The following ZNF469 variants were observed in gnomAD, a reference collection of about 807,000 sequenced individuals.
ZNF469 encodes zinc finger protein 469.
ZNF469 carries 1 observed loss-of-function variant against 1.0 expected under a neutral mutation model. The observed-to-expected ratio is 1.00, with a 90% CI of 0.35 to 4.73. The LOEUF is 4.73. Ranked by LOEUF, ZNF469 falls within the 30% of genes most tolerant of loss-of-function variation. The probability of loss-of-function intolerance (pLI) is 0.16; values close to 1 mark genes in which losing one functional copy is unlikely to be tolerated. For missense variants in ZNF469, 6,100 were observed against 5,356.3 expected (o/e 1.14, Z -4.33); for synonymous variants, 2,703 against 2,363.4 (o/e 1.14, Z -4.17).
Position 88,437,752 on chromosome 16 carries a change from G to C in ZNF469, c.10282G>C (p.Ala3428Pro). 1 of 1,549,730 alleles carries C rather than the reference G, an allele frequency of 6.5e-7. No individual in the cohort carries two copies. The highest frequency in any genetic ancestry group is 8.7e-7 in the Non-Finnish European group (1 of 1,146,576). ...CTGCAGCTCCTGCAACTACACCTTC[G>C]CCAAGAAGGAGCAGTTCGACCGCCA... ...FACSSCNYTF[A>P]KKEQFDRHMN... The change falls in exon 3 of 3, where the codon GCC becomes CCC. Residue 3428 changes from alanine (A) to proline (P), a missense_variant. By Grantham distance (27) the Ala-to-Pro change is conservative. Transcript: ENST00000565624.
At chr16:88,360,284 T>C in the ZNF469 span, among the ~76,000 whole-genome samples, 1 of 152,218 alleles carries the variant, frequency 6.6e-6, no homozygotes, top group African/African-American at 2.4e-5. Flanking sequence ...CCTCCCATAG[T>C]GCTGGGATTA....
At chr16:88,114,791 G>A in the ZNF469 span, among the ~76,000 whole-genome samples, 1 of 152,298 alleles carries the variant, frequency 6.6e-6, no homozygotes, top group East Asian at 1.9e-4. Context: ...TGGGGAAGAG[G>A]TGCCTCCCCT....
At chr16:88,412,113 G>A (rs1905187864) in intron 1 of ZNF469, among the ~76,000 whole-genome samples, 1 of 147,186 alleles carries the variant, frequency 6.8e-6, no homozygotes, top group East Asian at 2.0e-4. Context: ...GGGAGGCAGG[G>A]GCCAGCATAG....
Position 88,435,337 on chromosome 16 carries a change from T to G in ZNF469, c.7867T>G (p.Ser2623Ala). Residue 2623 changes from serine (S) to alanine (A), a missense_variant, in exon 3 of 3, where the codon TCT becomes GCT. Coordinates refer to ENST00000565624, the MANE Select transcript of ZNF469 (RefSeq NM_001367624.2). ...RRWRREPTVD[S>A]PSHSEGKSNK... Reference sequence around the variant, plus strand: ...GTGGCGCCGAGAGCCCACCGTGGACTCTCCTAGCCACTCAGAGGGGAAGTC... The same window carrying G: ...GTGGCGCCGAGAGCCCACCGTGGACGCTCCTAGCCACTCAGAGGGGAAGTC... The G allele has an allele frequency of 6.5e-7, 1 of 1,550,148 alleles. No individual in the cohort carries two copies. The highest frequency in any genetic ancestry group is 8.7e-7 in the Non-Finnish European group (1 of 1,146,946).
At chr16:88,297,218 C>T in the ZNF469 span, among the ~76,000 whole-genome samples, 1 of 152,180 alleles carries the variant, frequency 6.6e-6, no homozygotes, top group African/African-American at 2.4e-5. Context: ...TGGGACGGGG[C>T]AGGCGTCTGA....
At chr16:88,353,800 G>A in the ZNF469 span, among the ~76,000 whole-genome samples, 3 of 152,268 alleles carry the variant, frequency 2.0e-5, no homozygotes, top group South Asian at 2.1e-4. Context: ...CTGGGGATGC[G>A]GCCACTCGCT....
chr16:88,145,506 C>A, the ZNF469 span, among the ~76,000 whole-genome samples: 1 of 152,256 alleles, frequency 6.6e-6, no homozygotes, highest in African/African-American at 2.4e-5. Context: ...GCCGAGCTGC[C>A]CTCTTGGGTT....
the ZNF469 span, among the ~76,000 whole-genome samples, chr16:88,189,141 A>G: frequency 1.3e-5 from 2 of 152,212 alleles, no homozygotes; most frequent in Admixed American, 1.3e-4. The surrounding 1 kb of genome is among the most constrained non-coding windows in gnomAD (Gnocchi z 4.3). Flanking sequence ...GTAGCTCCTA[A>G]CAGTCGGCTG....
chr16:88,320,400 C>T, the ZNF469 span, among the ~76,000 whole-genome samples: 1,654 of 152,088 alleles, frequency 0.011, 13 homozygotes, highest in Non-Finnish European at 0.018. Flanking sequence ...TCTTTTTTCT[C>T]GGAGACAGAA....
Position 88,427,901 on chromosome 16 carries a change from C to T in ZNF469, c.431C>T (p.Ala144Val). ...ACACCAGAGAACCCACAGCTGGAGG[C>T]TGCCCAGCTCCCTGAGGTGGACACC... ...DETPENPQLE[A>V]AQLPEVDTPQ... The change falls in exon 3 of 3, where the codon GCT becomes GTT. Residue 144 changes from alanine to valine, a missense_variant. Coordinates refer to ENST00000565624, the MANE Select transcript of ZNF469 (RefSeq NM_001367624.2). 6.5e-7 allele frequency: 1 copy of T among 1,549,844 alleles called. No homozygotes were observed. Among genetic ancestry groups the T allele is most frequent in the African/African-American group, 1.4e-5 (1 of 73,134 alleles).
chr16:88,405,749 G>T (rs1905011386), intron 1 of ZNF469, among the ~76,000 whole-genome samples: 2 of 152,204 alleles, frequency 1.3e-5, no homozygotes, highest in South Asian at 2.1e-4. Context: ...GCCTCGGTGG[G>T]GCCACAGCGT....
the ZNF469 span, among the ~76,000 whole-genome samples, chr16:88,176,582 T>C: frequency 6.6e-6 from 1 of 152,142 alleles, no homozygotes; most frequent in South Asian, 2.1e-4. Context: ...CCCATGAAAT[T>C]AAAGAGCTGC....
the ZNF469 span, among the ~76,000 whole-genome samples, chr16:88,197,217 G>A: frequency 4.6e-5 from 7 of 152,292 alleles, no homozygotes; most frequent in Admixed American, 2.0e-4. Flanking sequence ...TGGCCTCCGA[G>A]TGGAGCAAAG....
chr16:88,182,019 T>C, the ZNF469 span, among the ~76,000 whole-genome samples: 1 of 152,266 alleles, frequency 6.6e-6, no homozygotes, highest in Non-Finnish European at 1.5e-5. Context: ...TAAGAGCTTA[T>C]ACATTTAGCA....
At chr16:88,133,458 G>A in the ZNF469 span, among the ~76,000 whole-genome samples, 3 of 152,204 alleles carry the variant, frequency 2.0e-5, no homozygotes, top group Non-Finnish European at 4.4e-5. Flanking sequence ...GGCAGACGCC[G>A]CCTGGGGCTC....
the ZNF469 span, among the ~76,000 whole-genome samples, chr16:88,158,647 G>A: frequency 1.3e-5 from 2 of 152,204 alleles, no homozygotes; most frequent in East Asian, 1.9e-4. Context: ...CCTGGAAAAC[G>A]GAGGGGAAGA....
the ZNF469 span, among the ~76,000 whole-genome samples, chr16:88,308,568 C>A: frequency 6.6e-6 from 1 of 152,158 alleles, no homozygotes; most frequent in African/African-American, 2.4e-5. Flanking sequence ...CAATCTAGTC[C>A]TCTCCCACTA....
chr16:88,208,819 T>A, the ZNF469 span, among the ~76,000 whole-genome samples: 13 of 146,290 alleles, frequency 8.9e-5, no homozygotes, highest in East Asian at 5.9e-4. Context: ...TCTCTCTCTC[T>A]CTCTCTCTCT....
chr16:88,215,166 G>C, the ZNF469 span, among the ~76,000 whole-genome samples: 1 of 152,074 alleles, frequency 6.6e-6, no homozygotes, highest in African/African-American at 2.4e-5. Context: ...AATAATTGTA[G>C]TCATTAAATT....
Sources: gnomAD v4.1 joint callset for allele counts (sites outside exome capture counted in the v4.1 genomes callset) on GRCh38, gnomAD v4.1.1 for gene constraint, Gnocchi (gnomAD v3.1) non-coding constraint, MANE v1.5 for transcripts, NCBI Gene and HGNC (gene_info 2026-07-23, HGNC 2026-07-21) for gene names.